Variants in FTO observed in about 807,000 individuals in gnomAD.
FTO encodes alpha-ketoglutarate-dependent dioxygenase FTO.
FTO carries 47 observed loss-of-function variants against 63.9 expected under a neutral mutation model. The ratio of observed to expected loss-of-function variants is 0.74; its 90% CI spans 0.58 to 0.94. FTO has a LOEUF of 0.94. Among genes scored for constraint, FTO ranks in the 40% least tolerant of loss-of-function variants. The probability of loss-of-function intolerance (pLI) is 0.00; values close to 1 mark genes in which losing one functional copy is unlikely to be tolerated. For synonymous variants in FTO, 207 were observed against 224.4 expected, an observed-to-expected ratio of 0.92 and a Z score of 0.69; for missense variants, 562 against 618.1, an observed-to-expected ratio of 0.91 and a Z score of 0.96.
intron 8 of FTO, among the ~76,000 whole-genome samples, chr16:53,970,286 G>C (rs940272140): frequency 2.0e-5 from 3 of 152,030 alleles, no homozygotes; most frequent in Non-Finnish European, 4.4e-5. Flanking sequence ...GAGGGAAGCC[G>C]ACTTGGGTGA....
chr16:53,946,558 C>T (rs2082654644), intron 8 of FTO, among the ~76,000 whole-genome samples: 1 of 152,148 alleles, frequency 6.6e-6, no homozygotes, highest in South Asian at 2.1e-4. Flanking sequence ...TTTGGAAGTT[C>T]CTATTGTCTT....
chr16:53,848,303 A>G (rs2079691869), intron 4 of FTO, among the ~76,000 whole-genome samples: 1 of 152,150 alleles, frequency 6.6e-6, no homozygotes, highest in Non-Finnish European at 1.5e-5. Flanking sequence ...AGCTCAATTT[A>G]TAATAATATA....
intron 8 of FTO, among the ~76,000 whole-genome samples, chr16:54,014,332 T>C (rs2084388303): frequency 1.3e-5 from 2 of 152,054 alleles, no homozygotes; most frequent in South Asian, 4.1e-4. Context: ...GGGTAATGAG[T>C]GACTTCTCAC....
chr16:53,812,172 C>T (rs550877892), intron 2 of FTO, among the ~76,000 whole-genome samples: 7 of 152,232 alleles, frequency 4.6e-5, no homozygotes, highest in Admixed American at 4.6e-4. Context: ...CATATGTCAT[C>T]TCCTGTAGGA....
chr16:53,750,113 T>C (rs1461112734), intron 1 of FTO, among the ~76,000 whole-genome samples: 1 of 152,242 alleles, frequency 6.6e-6, no homozygotes, highest in Non-Finnish European at 1.5e-5. Flanking sequence ...TATTAATGAA[T>C]TTTAAATTGC....
intron 8 of FTO, among the ~76,000 whole-genome samples, chr16:53,987,221 T>C (rs545296312): frequency 1.1e-4 from 16 of 152,234 alleles, no homozygotes; most frequent in Middle Eastern, 3.4e-3. Flanking sequence ...AAAAAAATAT[T>C]AACAAGTGAA....
intron 3 of FTO, among the ~76,000 whole-genome samples, chr16:53,839,135 G>A (rs1330042509): frequency 6.6e-6 from 1 of 152,102 alleles, no homozygotes; most frequent in East Asian, 1.9e-4. Flanking sequence ...GGTTAATTTT[G>A]GGGGGAAGTT....
intron 8 of FTO, among the ~76,000 whole-genome samples, chr16:53,940,862 G>A (rs149078133): frequency 2.7e-5 from 4 of 147,630 alleles, no homozygotes; most frequent in Non-Finnish European, 6.1e-5. Flanking sequence ...CTTATTATTA[G>A]TCATCTTTCT....
intron 7 of FTO, among the ~76,000 whole-genome samples, chr16:53,919,973 A>C (rs779508450): frequency 6.6e-6 from 1 of 152,210 alleles, no homozygotes; most frequent in Non-Finnish European, 1.5e-5. Flanking sequence ...TGTTTCCCAA[A>C]ACCTACTGAA....
At chr16:53,819,303 G>A (rs1423163246) in intron 2 of FTO, among the ~76,000 whole-genome samples, 3 of 152,198 alleles carry the variant, frequency 2.0e-5, no homozygotes, top group Middle Eastern at 3.4e-3. Context: ...CCAAGTAGCT[G>A]GGACCACAGG....
chr16:53,863,035 A>G (rs1025689112), intron 4 of FTO, among the ~76,000 whole-genome samples: 1 of 152,042 alleles, frequency 6.6e-6, no homozygotes, highest in Non-Finnish European at 1.5e-5. Flanking sequence ...CACTCCATCT[A>G]TTGCCGTGTT....
intron 3 of FTO, among the ~76,000 whole-genome samples, chr16:53,838,469 C>T (rs899793555): frequency 1.3e-5 from 2 of 151,964 alleles, no homozygotes; most frequent in Non-Finnish European, 2.9e-5. Context: ...TGCCACCACA[C>T]CCGGCTAATT....
intron 1 of FTO, among the ~76,000 whole-genome samples, chr16:53,729,371 C>A (rs2076220424): frequency 6.6e-6 from 1 of 151,764 alleles, no homozygotes; most frequent in Admixed American, 6.6e-5. Context: ...TATTAAAATA[C>A]AAAAAATTAG....
chr16:53,840,867 T>A (rs1027103516), intron 3 of FTO, among the ~76,000 whole-genome samples: 163 of 152,146 alleles, frequency 1.1e-3, no homozygotes, highest in African/African-American at 3.7e-3. Flanking sequence ...TACCAGATCT[T>A]GTAATTCAAG....
intron 8 of FTO, among the ~76,000 whole-genome samples, chr16:54,008,851 AATAAT>A (rs2084272800): frequency 2.4e-5 from 2 of 83,514 alleles, no homozygotes; most frequent in Admixed American, 2.4e-4. Flanking sequence ...TAATAATAAT[AATAAT>A]AATAAATTAG....
At chr16:53,705,856 C>G (rs2075604685) in intron 1 of FTO, among the ~76,000 whole-genome samples, 1 of 152,152 alleles carries the variant, frequency 6.6e-6, no homozygotes, top group Admixed American at 6.5e-5. Context: ...CTATTATTTG[C>G]CATAAGTTGG....
rs529453907 is a variant in FTO, at chr16:53,938,600, G to A, written c.1364+4491G>A. Reference sequence around the variant, plus strand: ...ACTGCATGAGATGCTGTGCATAATAGGGAGTGAGCTAAGTGGCCAATTTCA... The same window carrying A: ...ACTGCATGAGATGCTGTGCATAATAAGGAGTGAGCTAAGTGGCCAATTTCA... On this transcript the variant is annotated intron_variant, in intron 8 of 8. Coordinates refer to ENST00000471389, the MANE Select transcript of FTO (RefSeq NM_001080432.3). 8.5e-5 allele frequency among the ~76,000 whole-genome samples: 13 copies of A among 152,302 alleles called. No individual in the cohort carries two copies. The East Asian group carries it at 2.3e-3, about 27-fold the overall frequency.
chr16:53,784,880 A>G (rs1223161261), intron 1 of FTO, among the ~76,000 whole-genome samples: 5 of 152,080 alleles, frequency 3.3e-5, no homozygotes, highest in African/African-American at 1.2e-4. Context: ...ACCTCTGCCA[A>G]GGTGGTATAG....
intron 8 of FTO, among the ~76,000 whole-genome samples, chr16:53,948,900 CTGTGACCT>C (rs1319693481): frequency 1.3e-5 from 2 of 152,202 alleles, no homozygotes; most frequent in Non-Finnish European, 2.9e-5. Context: ...TGTATTGCCT[CTGTGACCT>C]TGTGACCTTG....
Sources: allele counts gnomAD v4.1 joint callset (sites outside exome capture counted in the v4.1 genomes callset), GRCh38; gene constraint gnomAD v4.1.1; transcripts MANE v1.5; gene names NCBI Gene and HGNC (gene_info 2026-07-23, HGNC 2026-07-21).